Variants in KBTBD12 observed in about 807,000 individuals in gnomAD.
KBTBD12 encodes kelch repeat and BTB domain containing 12.
In KBTBD12, 53 loss-of-function variants were observed where a neutral mutation model predicts 58.7. The ratio of observed to expected loss-of-function variants is 0.90; its 90% CI spans 0.72 to 1.14. The LOEUF (loss-of-function observed/expected upper bound fraction) is 1.14, where lower values mean the gene tolerates loss of function less well. KBTBD12 is among the 50% of genes most tolerant of loss of function. The probability of loss-of-function intolerance (pLI) is 0.00; values close to 1 mark genes in which losing one functional copy is unlikely to be tolerated. For missense variants in KBTBD12, 704 were observed against 751.3 expected (o/e 0.94, Z 0.74); for synonymous variants, 236 against 259.8 (o/e 0.91, Z 0.88).
chr3:127,920,778 A>G (rs1326201770), intron 1 of KBTBD12, among the ~76,000 whole-genome samples: 1 of 152,070 alleles, frequency 6.6e-6, no homozygotes, highest in Non-Finnish European at 1.5e-5. Flanking sequence ...GGACTTAGAA[A>G]GTAATTAGAG....
At chr3:127,945,345 C>T (rs1322233441) in intron 4 of KBTBD12, among the ~76,000 whole-genome samples, 13 of 151,296 alleles carry the variant, frequency 8.6e-5, no homozygotes, top group African/African-American at 2.2e-4. Context: ...CCACAATGCC[C>T]GGCTAATTTT....
At chr3:127,970,400 G>A (rs1224810245) in intron 5 of KBTBD12, among the ~76,000 whole-genome samples, 7 of 152,258 alleles carry the variant, frequency 4.6e-5, no homozygotes, top group Admixed American at 1.3e-4. Context: ...GTTGCCATAC[G>A]ATGCAGCAAT....
intron 1 of KBTBD12, among the ~76,000 whole-genome samples, chr3:127,920,067 T>C (rs2107586056): frequency 6.6e-6 from 1 of 152,318 alleles, no homozygotes; most frequent in East Asian, 1.9e-4. Context: ...AACACTGTCT[T>C]GAAATTGGGG....
intron 4 of KBTBD12, among the ~76,000 whole-genome samples, chr3:127,943,184 T>C (rs755157372): frequency 2.7e-4 from 41 of 152,238 alleles, no homozygotes; most frequent in Non-Finnish European, 5.1e-4. Flanking sequence ...GGTACTGATT[T>C]CATTTCCTTT....
At position 127,984,077 on chromosome 3, in the gene KBTBD12, C is replaced by T; in HGVS notation, c.1691-20C>T. 6.2e-7 allele frequency: 1 copy of T among 1,605,570 alleles called. No individual in the cohort carries two copies. The highest frequency in any genetic ancestry group is 8.5e-7 in the Non-Finnish European group (1 of 1,175,414). ...AATACCCACATGAGATTTTTGTCTT[C>T]CCACTTTGCTGTTTTTCAGATCGCC... On this transcript the variant is annotated intron_variant, in intron 5 of 5. Transcript: ENST00000405109.
chr3:127,937,405 T>C (rs1025253796), intron 4 of KBTBD12, among the ~76,000 whole-genome samples: 3 of 152,092 alleles, frequency 2.0e-5, no homozygotes, highest in Non-Finnish European at 2.9e-5. Flanking sequence ...TAAAACCTCA[T>C]AGGTATATTT....
intron 5 of KBTBD12, among the ~76,000 whole-genome samples, chr3:127,967,865 T>C (rs776754310): frequency 5.7e-4 from 87 of 152,238 alleles, no homozygotes; most frequent in Non-Finnish European, 1.1e-3. Flanking sequence ...GCATGTCTTA[T>C]GAGCAGAGGT....
At chr3:127,942,637 T>C (rs1939977698) in intron 4 of KBTBD12, among the ~76,000 whole-genome samples, 1 of 146,776 alleles carries the variant, frequency 6.8e-6, no homozygotes, top group East Asian at 1.9e-4. Flanking sequence ...TATATATAAC[T>C]ATATATAACT....
intron 4 of KBTBD12, 120 bp from the exon 5 acceptor site, chr3:127,963,069 G>C: frequency 1.2e-6 from 1 of 841,610 alleles, no homozygotes; most frequent in Admixed American, 3.0e-5. Flanking sequence ...GTAGCACCTG[G>C]CAAGAAAGAG....
chr3:127,923,735 T>C lies in KBTBD12; in HGVS notation c.674T>C (p.Val225Ala). The C allele has an allele frequency of 6.2e-7, 1 of 1,613,894 alleles. No homozygotes were observed. ...ELLKQVRLEL[V>A]NPSFLRQALR... ...TTGAAGCAAGTCAGATTGGAACTTG[T>C]AAATCCTTCTTTTTTAAGACAAGCC... is the stretch of plus-strand genomic sequence containing the variant. The change falls in exon 2 of 6, where the codon GTA becomes GCA. Residue 225 changes from valine to alanine, a missense_variant. Val to Ala is a moderately conservative substitution (Grantham distance 64, BLOSUM62 0). Coordinates refer to ENST00000405109, the MANE Select transcript of KBTBD12 (RefSeq NM_207335.4).
At chr3:127,918,530 G>C in intron 1 of KBTBD12, among the ~76,000 whole-genome samples, 1 of 152,098 alleles carries the variant, frequency 6.6e-6, no homozygotes, top group African/African-American at 2.4e-5. Flanking sequence ...GGCTAACACG[G>C]TGAAACCCCG....
chr3:127,950,886 A>G (rs938306567), intron 4 of KBTBD12, among the ~76,000 whole-genome samples: 1 of 152,062 alleles, frequency 6.6e-6, no homozygotes, highest in Non-Finnish European at 1.5e-5. Context: ...ACAAAAAGCC[A>G]GGTGTGGTGG....
At chr3:127,980,368 C>T (rs187101314) in intron 5 of KBTBD12, among the ~76,000 whole-genome samples, 154 of 152,166 alleles carry the variant, frequency 1.0e-3, no homozygotes, top group African/African-American at 3.4e-3. Context: ...CTCGCTCTGT[C>T]GCGCAGGCTG....
chr3:127,931,861 A>C (rs1182970658), intron 4 of KBTBD12, among the ~76,000 whole-genome samples: 2 of 152,084 alleles, frequency 1.3e-5, no homozygotes, highest in Non-Finnish European at 2.9e-5. Flanking sequence ...GGTGAGAATG[A>C]AAGTGGTGAG....
chr3:127,969,593 A>G (rs1368131072), intron 5 of KBTBD12, among the ~76,000 whole-genome samples: 2 of 152,216 alleles, frequency 1.3e-5, no homozygotes, highest in African/African-American at 2.4e-5. Flanking sequence ...AGTCAAGACC[A>G]TGTGGTACCA....
At chr3:127,925,580 G>A (rs765742669) in intron 2 of KBTBD12, among the ~76,000 whole-genome samples, 1 of 152,078 alleles carries the variant, frequency 6.6e-6, no homozygotes, top group Non-Finnish European at 1.5e-5. Flanking sequence ...CTTATTGAGA[G>A]CCCATTTCCC....
intron 4 of KBTBD12, among the ~76,000 whole-genome samples, chr3:127,961,494 G>C (rs1940438238): frequency 6.6e-6 from 1 of 152,182 alleles, no homozygotes; most frequent in African/African-American, 2.4e-5. Flanking sequence ...GTTTATATCA[G>C]CAAAGAGAAA....
chr3:127,918,765 G>A (rs1358219398), intron 1 of KBTBD12, among the ~76,000 whole-genome samples: 1 of 151,996 alleles, frequency 6.6e-6, no homozygotes, highest in African/African-American at 2.4e-5. Flanking sequence ...GCCCATATGC[G>A]TTAGAACTGT....
At chr3:127,935,215 A>C (rs1381890049) in intron 4 of KBTBD12, among the ~76,000 whole-genome samples, 1 of 152,184 alleles carries the variant, frequency 6.6e-6, no homozygotes, top group Non-Finnish European at 1.5e-5. Flanking sequence ...TGAAATGCCC[A>C]AACCATCATT....
Sources: allele counts gnomAD v4.1 joint callset (sites outside exome capture counted in the v4.1 genomes callset), GRCh38; gene constraint gnomAD v4.1.1; transcripts MANE v1.5; gene names NCBI Gene and HGNC (gene_info 2026-07-23, HGNC 2026-07-21).